PROX1: variants seen among roughly 807,000 people sequenced by gnomAD.
The protein encoded by PROX1 is prospero homeobox protein 1.
A neutral mutation model predicts 58.8 loss-of-function variants in PROX1; 7 were observed. That is an observed-to-expected ratio of 0.12 (90% CI 0.07 to 0.22). PROX1 has a LOEUF of 0.22. PROX1 is among the 10% of genes least tolerant of loss of function. The probability of loss-of-function intolerance (pLI) is 1.00; values close to 1 mark genes in which losing one functional copy is unlikely to be tolerated. For missense variants in PROX1, 675 were observed against 927.8 expected (o/e 0.73, Z 3.54); for synonymous variants, 350 against 358.3 (o/e 0.98, Z 0.26).
Position 213,998,362 on chromosome 1 carries a change from T to A in PROX1, c.1725+102T>A, listed in dbSNP as rs1663366106. 4 of 1,314,716 alleles carry A rather than the reference T, an allele frequency of 3.0e-6. No homozygotes were observed. The South Asian group carries it at 6.0e-5, about 20-fold the overall frequency. 81.4% of individuals were successfully genotyped at this position (1,314,716 alleles called of 1,614,324 possible). A position where few individuals can be genotyped will look rare whatever the true frequency, so the allele number is the denominator to read the frequency against. ...AGAGTAATGTAGATTAGTATCTTCT[T>A]AAGAAGGCAACCTTTCCCATTATTC... is the stretch of plus-strand genomic sequence containing the variant. On this transcript the variant is annotated intron_variant, in intron 2 of 4. Transcript: ENST00000366958.
At chr1:213,985,713 T>G (rs1387648922), upstream of PROX1, 3 of 152,280 alleles carry the variant, frequency 2.0e-5, no homozygotes, top group East Asian at 5.8e-4. Context: ...CCGGGCGTGG[T>G]GTGTGCAAAA....
intron 4 of PROX1, among the ~76,000 whole-genome samples, chr1:214,033,614 A>T (rs1664735773): frequency 6.6e-6 from 1 of 152,160 alleles, no homozygotes; most frequent in African/African-American, 2.4e-5. Flanking sequence ...ATAAATTAAT[A>T]AATGCCTATG....
At chr1:214,020,699 T>C (rs1269678399) in intron 4 of PROX1, among the ~76,000 whole-genome samples, 1 of 152,180 alleles carries the variant, frequency 6.6e-6, no homozygotes. Flanking sequence ...GAGCAGCTTT[T>C]CCAATAGAGT....
chr1:213,983,680 A>T (rs1192549246), upstream of PROX1: 5 of 152,352 alleles, frequency 3.3e-5, no homozygotes, highest in East Asian at 9.6e-4. Flanking sequence ...GAACCCCCAG[A>T]TACGTAGGGA....
At chr1:214,012,277 C>T (rs1214086219) in intron 4 of PROX1, among the ~76,000 whole-genome samples, 1 of 151,994 alleles carries the variant, frequency 6.6e-6, no homozygotes. Context: ...GATTTTGTTT[C>T]TGTTTTTGTT....
chr1:214,008,488 C>T (rs920781830), intron 3 of PROX1, among the ~76,000 whole-genome samples: 4 of 151,836 alleles, frequency 2.6e-5, no homozygotes, highest in Admixed American at 6.6e-5. Context: ...TATGGTATAA[C>T]GTAATGGTCC....
chr1:214,031,060 T>C (rs1156567871), intron 4 of PROX1, among the ~76,000 whole-genome samples: 1 of 151,290 alleles, frequency 6.6e-6, no homozygotes, highest in African/African-American at 2.4e-5. Context: ...TGTGTGTGTG[T>C]GTGTGTGCGC....
chr1:214,022,098 C>T (rs1664299381), intron 4 of PROX1, among the ~76,000 whole-genome samples: 1 of 152,188 alleles, frequency 6.6e-6, no homozygotes, highest in South Asian at 2.1e-4. Flanking sequence ...TTTGGGGAGT[C>T]TTTCCACTGT....
At position 214,005,177 on chromosome 1, in the gene PROX1, T is replaced by C. The variant is rs1293946963; in HGVS notation, c.1738T>C (p.Leu580=). ...AATTGCATCCTACATGCAGGAAGGATTGTCACCCAATCACTTGAAAAAAGC... is the reference window on the plus strand; with the variant it reads ...AATTGCATCCTACATGCAGGAAGGACTGTCACCCAATCACTTGAAAAAAGC... ...PYSGSAMQEG[L]SPNHLKKAKL... Residue 580 remains leucine, a synonymous_variant, in exon 3 of 5, where the codon TTG becomes CTG. Coordinates refer to ENST00000366958, the MANE Select transcript of PROX1 (RefSeq NM_001270616.2). 11 of 1,613,872 alleles carry C rather than the reference T, an allele frequency of 6.8e-6. No homozygotes were observed. The highest frequency in any genetic ancestry group is 1.7e-5 in the Admixed American group (1 of 59,996).
At position 214,039,445 on chromosome 1, in the gene PROX1, A is replaced by T. The variant is rs1314939633; in HGVS notation, c.*3611A>T. 2.0e-5 allele frequency: 3 copies of T among 152,130 alleles called. No homozygotes were observed. Among genetic ancestry groups the T allele is most frequent in the Non-Finnish European group, 4.4e-5 (3 of 68,024 alleles). 9.4% of individuals were successfully genotyped at this position (152,130 alleles called of 1,614,324 possible). On this transcript the variant is annotated 3_prime_UTR_variant, in exon 5 of 5. Transcript: ENST00000366958. Reference sequence around the variant, plus strand: ...ATGTGGGTGAATATCATTTAAAAAAATTTAAAACAACAAAAAAAAAGCAAA... The same window carrying T: ...ATGTGGGTGAATATCATTTAAAAAATTTTAAAACAACAAAAAAAAAGCAAA...
At chr1:213,999,002 C>T (rs1160738969) in intron 2 of PROX1, among the ~76,000 whole-genome samples, 3 of 152,158 alleles carry the variant, frequency 2.0e-5, no homozygotes, top group East Asian at 3.8e-4. Context: ...TCTGTTCAGC[C>T]ATACACAGAA....
In PROX1 at chr1:214,005,371, T is replaced by C. The variant is rs918271587; in HGVS notation, c.1833+99T>C. On this transcript the variant is annotated intron_variant, in intron 3 of 4. Transcript: ENST00000366958. ...TGGAGATGAATGTGGAATTGGTTTA[T>C]TCCTACACCTGTGTTATAATTGATT... The C allele has an allele frequency of 2.2e-5, 19 of 880,998 alleles. No homozygotes were observed. In the African/African-American group the frequency reaches 2.4e-4, roughly 11 times the overall value. 54.6% of individuals were successfully genotyped at this position (880,998 alleles called of 1,614,324 possible). A position where few individuals can be genotyped will look rare whatever the true frequency, so the allele number is the denominator to read the frequency against.
chr1:214,036,334 A>C lies in PROX1; in HGVS notation c.*500A>C, dbSNP rs915317600. 6.6e-6 allele frequency: 1 copy of C among 152,258 alleles called. No homozygotes were observed. The highest frequency in any genetic ancestry group is 6.5e-5 in the Admixed American group (1 of 15,282). The allele number at this position is 152,258 out of a possible 1,614,324, so 9.4% of individuals were successfully genotyped here. Reference sequence around the variant, plus strand: ...TATTTTGTTTGGTTTGAACTCAATCAGTAGCTTTTCCTTACATGTTTAAAA... The same window carrying C: ...TATTTTGTTTGGTTTGAACTCAATCCGTAGCTTTTCCTTACATGTTTAAAA... On this transcript the variant is annotated 3_prime_UTR_variant, in exon 5 of 5. Transcript: ENST00000366958.
In PROX1 at chr1:213,997,664, C is replaced by T. The variant is rs368029419; in HGVS notation, c.1129C>T (p.Arg377Cys). Reference sequence around the variant, plus strand: ...CAAAGTCTTTTCGGCCAAGCCCTCCCGCCAGGTTCCTCAGGTCTTCCCACC... The same window carrying T: ...CAAAGTCTTTTCGGCCAAGCCCTCCTGCCAGGTTCCTCAGGTCTTCCCACC... The part of the protein sequence containing the change: ...VVKVFSAKPS[R>C]QVPQVFPPLQ... The change falls in exon 2 of 5, where the codon CGC becomes TGC. Residue 377 changes from arginine (R) to cysteine (C), a missense_variant. Arg to Cys is a radical substitution (Grantham distance 180). This residue lies in a region of PROX1 where 403 missense variants were observed against 477.4 expected (regional missense o/e 0.84). Coordinates refer to ENST00000366958, the MANE Select transcript of PROX1 (RefSeq NM_001270616.2). This position sits in a 1 kb window ranked among gnomAD's most constrained non-coding sequence, Gnocchi z 7.1. 1 of 1,614,198 alleles carries T rather than the reference C, an allele frequency of 6.2e-7. No homozygotes were observed. The highest frequency in any genetic ancestry group is 1.7e-5 in the Admixed American group (1 of 60,018).
At chr1:213,983,569 C>A (rs1390063789), upstream of PROX1, among the ~76,000 whole-genome samples, 7 of 152,224 alleles carry the variant, frequency 4.6e-5, no homozygotes, top group South Asian at 2.1e-4. Context: ...TGAGTTGCGG[C>A]CCGAGACTGC....
In PROX1 at chr1:214,040,342, C is replaced by G. The variant is rs995833156; in HGVS notation, c.*4508C>G. 4 of 152,158 alleles carry G rather than the reference C, an allele frequency of 2.6e-5. No homozygotes were observed. The highest frequency in any genetic ancestry group is 9.7e-5 in the African/African-American group (4 of 41,448). The allele number at this position is 152,158 out of a possible 1,614,324, so 9.4% of individuals were successfully genotyped here. A position where few individuals can be genotyped will look rare whatever the true frequency, so the allele number is the denominator to read the frequency against. On this transcript the variant is annotated 3_prime_UTR_variant, in exon 5 of 5. Coordinates refer to ENST00000366958, the MANE Select transcript of PROX1 (RefSeq NM_001270616.2). Reference sequence around the variant, plus strand: ...TGGACTTTGAGTCTTTTCAACTGAGCCTTCTCTCAAATCTGACACCCCCTC... The same window carrying G: ...TGGACTTTGAGTCTTTTCAACTGAGGCTTCTCTCAAATCTGACACCCCCTC...
chr1:214,030,634 G>T (rs547424165), intron 4 of PROX1: 18 of 152,344 alleles, frequency 1.2e-4, no homozygotes, highest in Admixed American at 1.0e-3. Context: ...CTTACGGACG[G>T]TTCAGAGGTG....
At chr1:214,006,459 G>A (rs1663716062) in intron 3 of PROX1, among the ~76,000 whole-genome samples, 1 of 152,182 alleles carries the variant, frequency 6.6e-6, no homozygotes, top group South Asian at 2.1e-4. Context: ...TGGAAGGCTT[G>A]TTTTCTCCTT....
intron 1 of PROX1, among the ~76,000 whole-genome samples, chr1:213,989,453 C>T (rs184001211): frequency 1.3e-5 from 2 of 151,946 alleles, no homozygotes; most frequent in East Asian, 3.9e-4. Flanking sequence ...TCCCAGCCAT[C>T]GCTGGCAGAC....
Sources: gnomAD v4.1 joint callset for allele counts (sites outside exome capture counted in the v4.1 genomes callset) on GRCh38, gnomAD v4.1.1 for gene constraint, gnomAD v4.1.1 regional missense constraint, Gnocchi (gnomAD v3.1) non-coding constraint, MANE v1.5 for transcripts, NCBI Gene and HGNC (gene_info 2026-07-23, HGNC 2026-07-21) for gene names.